TRIT1: variants seen among roughly 807,000 people sequenced by gnomAD.
TRIT1 encodes tRNA dimethylallyltransferase.
In TRIT1, 43 loss-of-function variants were observed where a neutral mutation model predicts 51.2. That is an observed-to-expected ratio of 0.84 (90% CI 0.66 to 1.08). The LOEUF is 1.08. Ranked by LOEUF, TRIT1 falls within the 50% of genes least tolerant of loss-of-function variation. The probability of loss-of-function intolerance (pLI) is 0.00; values close to 1 mark genes in which losing one functional copy is unlikely to be tolerated. For synonymous variants in TRIT1, 184 were observed against 203.9 expected (o/e 0.90, Z 0.83); for missense variants, 528 against 578.4 (o/e 0.91, Z 0.89).
intron 2 of TRIT1, among the ~76,000 whole-genome samples, chr1:39,857,032 T>C (rs1057243746): frequency 7.9e-5 from 12 of 152,220 alleles, no homozygotes; most frequent in African/African-American, 2.2e-4. Flanking sequence ...AGGTCTGGAG[T>C]GGGGCCCAAG....
intron 1 of TRIT1, among the ~76,000 whole-genome samples, chr1:39,864,625 G>A (rs1047380030): frequency 1.3e-5 from 2 of 149,408 alleles, no homozygotes; most frequent in African/African-American, 4.9e-5. Context: ...AAAATTATCC[G>A]GCCCCAAAAT....
chr1:39,847,784 T>A, intron 6 of TRIT1, 124 bp from the exon 7 acceptor site: 1 of 1,536,736 alleles, frequency 6.5e-7, no homozygotes, highest in Non-Finnish European at 8.7e-7. Context: ...GAGCAGTTAC[T>A]GATTCTCTGA....
intron 1 of TRIT1, among the ~76,000 whole-genome samples, chr1:39,869,217 T>C (rs1290536708): frequency 2.0e-5 from 3 of 152,240 alleles, no homozygotes; most frequent in East Asian, 1.9e-4. Flanking sequence ...ATTCTCCTGC[T>C]TCAGCCTGCC....
intron 1 of TRIT1, among the ~76,000 whole-genome samples, chr1:39,874,971 G>C (rs1015516362): frequency 6.6e-6 from 1 of 151,746 alleles, no homozygotes; most frequent in African/African-American, 2.4e-5. Flanking sequence ...CCCGGCCCCC[G>C]CATGTCTCAT....
chr1:39,851,950 A>C (rs1215891631), intron 4 of TRIT1, among the ~76,000 whole-genome samples: 2 of 144,308 alleles, frequency 1.4e-5, no homozygotes, highest in Non-Finnish European at 3.1e-5. Flanking sequence ...CTATCTCTTA[A>C]AAAAAAAAAA....
chr1:39,875,301 A>C (rs1004038426), intron 1 of TRIT1, among the ~76,000 whole-genome samples: 1 of 152,110 alleles, frequency 6.6e-6, no homozygotes, highest in Non-Finnish European at 1.5e-5. Flanking sequence ...CAGCCTGACC[A>C]ACATGGTGAA....
intron 7 of TRIT1, 24 bp downstream of exon 7, chr1:39,847,523 CT>C: frequency 6.2e-7 from 1 of 1,611,622 alleles, no homozygotes; most frequent in Non-Finnish European, 8.5e-7. Context: ...ATGTCCAAGA[CT>C]AGATTAGATG....
chr1:39,878,132 G>A (rs886071291), intron 1 of TRIT1, among the ~76,000 whole-genome samples: 1 of 151,860 alleles, frequency 6.6e-6, no homozygotes, highest in African/African-American at 2.4e-5. Flanking sequence ...ATCATGGAAG[G>A]GCATGTGTTT....
At chr1:39,862,086 T>C (rs1192955605) in intron 1 of TRIT1, among the ~76,000 whole-genome samples, 2 of 152,100 alleles carry the variant, frequency 1.3e-5, no homozygotes, top group Non-Finnish European at 2.9e-5. Flanking sequence ...AGTAGTCAAA[T>C]TCATAGAGAC....
chr1:39,859,217 T>C (rs936789383), intron 1 of TRIT1, among the ~76,000 whole-genome samples: 5 of 128,194 alleles, frequency 3.9e-5, no homozygotes, highest in African/African-American at 1.2e-4. Flanking sequence ...GATCACGCCA[T>C]TGCGTTCCAG....
chr1:39,878,688 AAAG>A (rs962242906), intron 1 of TRIT1, among the ~76,000 whole-genome samples: 2 of 152,210 alleles, frequency 1.3e-5, no homozygotes, highest in Admixed American at 1.3e-4. Flanking sequence ...GTGTTACAAC[AAAG>A]AAGTTTACTG....
chr1:39,856,401 C>T (rs1642900480), intron 2 of TRIT1, among the ~76,000 whole-genome samples: 1 of 151,266 alleles, frequency 6.6e-6, no homozygotes, highest in Admixed American at 6.6e-5. Context: ...GGAGGATCAC[C>T]TGAGCCCAGG....
intron 1 of TRIT1, among the ~76,000 whole-genome samples, chr1:39,875,400 C>G (rs1158473471): frequency 2.6e-5 from 4 of 151,850 alleles, no homozygotes; most frequent in Non-Finnish European, 5.9e-5. Flanking sequence ...AGGCAGGAGA[C>G]TTGCTTGAAC....
chr1:39,844,796 G>A (rs1442867128), intron 8 of TRIT1, among the ~76,000 whole-genome samples, 156 bp from the exon 9 acceptor site: 1 of 152,178 alleles, frequency 6.6e-6, no homozygotes, highest in East Asian at 1.9e-4. Flanking sequence ...CACAATCCAA[G>A]AAAGACCTAG....
chr1:39,862,280 G>A (rs1211803123), intron 1 of TRIT1, among the ~76,000 whole-genome samples: 4 of 146,566 alleles, frequency 2.7e-5, no homozygotes, highest in Non-Finnish European at 6.0e-5. Flanking sequence ...AATGGCCACC[G>A]AAATGGTTAA....
chr1:39,847,603 G>A lies in TRIT1; in HGVS notation c.873C>T (p.Tyr291=), dbSNP rs922500111. 4 of 1,614,072 alleles carry A rather than the reference G, an allele frequency of 2.5e-6. No homozygotes were observed. The highest frequency in any genetic ancestry group is 2.7e-5 in the African/African-American group (2 of 74,910). ...QSIGFKEFHE[Y]LITEGKCTLE... Reference sequence around the variant, plus strand: ...GTGTGCATTTTCCCTCAGTGATCAGGTACTCGTGAAATTCCTTGAAGCCAA... The same window carrying A: ...GTGTGCATTTTCCCTCAGTGATCAGATACTCGTGAAATTCCTTGAAGCCAA... Residue 291 remains tyrosine, a synonymous_variant, in exon 7 of 11, where the codon TAC becomes TAT. Transcript: ENST00000316891.
chr1:39,864,526 G>C (rs575866030), intron 1 of TRIT1, among the ~76,000 whole-genome samples: 20 of 150,164 alleles, frequency 1.3e-4, no homozygotes, highest in African/African-American at 4.9e-4. Flanking sequence ...GGAGAATGGT[G>C]TGAACCCGGG....
At chr1:39,869,767 G>A (rs955100377) in intron 1 of TRIT1, among the ~76,000 whole-genome samples, 6 of 151,876 alleles carry the variant, frequency 4.0e-5, no homozygotes, top group Admixed American at 2.0e-4. Flanking sequence ...CACCCCATCT[G>A]GGAGGTGAGG....
At chr1:39,863,811 GAAAAAAC>G (rs991598644) in intron 1 of TRIT1, among the ~76,000 whole-genome samples, 6 of 151,112 alleles carry the variant, frequency 4.0e-5, no homozygotes, top group African/African-American at 1.2e-4. Flanking sequence ...AAAAGATATG[GAAAAAAC>G]AAAAAACAAA....
Sources: gnomAD v4.1 joint callset for allele counts (sites outside exome capture counted in the v4.1 genomes callset) on GRCh38, gnomAD v4.1.1 for gene constraint, MANE v1.5 for transcripts, NCBI Gene and HGNC (gene_info 2026-07-23, HGNC 2026-07-21) for gene names.